THADA: variants seen among roughly 807,000 people sequenced by gnomAD.
THADA encodes the protein THADA armadillo repeat containing, also known as tRNA (32-2'-O)-methyltransferase regulator THADA.
THADA carries 213 observed loss-of-function variants against 219.8 expected under a neutral mutation model. The ratio of observed to expected loss-of-function variants is 0.97; its 90% CI spans 0.87 to 1.09. THADA has a LOEUF of 1.09. THADA is among the 50% of genes least tolerant of loss of function. The probability of loss-of-function intolerance (pLI) is 0.00; values close to 1 mark genes in which losing one functional copy is unlikely to be tolerated. For synonymous variants in THADA, 1,018 were observed against 828.9 expected, an observed-to-expected ratio of 1.23 and a Z score of -3.92; for missense variants, 2,956 against 2,311.3, an observed-to-expected ratio of 1.28 and a Z score of -5.72.
At chr2:43,377,979 C>T (rs1671570177) in intron 29 of THADA, among the ~76,000 whole-genome samples, 1 of 152,072 alleles carries the variant, frequency 6.6e-6, no homozygotes, top group Non-Finnish European at 1.5e-5. Context: ...GTAGAATGTC[C>T]CTCAATTTGG....
At chr2:43,302,230 A>G (rs780355996) in intron 31 of THADA, among the ~76,000 whole-genome samples, 2 of 152,056 alleles carry the variant, frequency 1.3e-5, no homozygotes, top group Non-Finnish European at 2.9e-5. Flanking sequence ...TCTTTGTTGG[A>G]AAGCCCAAAT....
chr2:43,465,897 C>T (rs1684170295), intron 26 of THADA, among the ~76,000 whole-genome samples: 1 of 152,170 alleles, frequency 6.6e-6, no homozygotes, highest in African/African-American at 2.4e-5. Flanking sequence ...CAGTCTGTTC[C>T]TCCTCCTAAA....
At chr2:43,282,787 A>C (rs754042972) in intron 35 of THADA, among the ~76,000 whole-genome samples, 3 of 152,200 alleles carry the variant, frequency 2.0e-5, no homozygotes, top group Non-Finnish European at 4.4e-5. Context: ...GGATATTCTC[A>C]AGCTTGGTTT....
intron 23 of THADA, among the ~76,000 whole-genome samples, chr2:43,507,646 G>A (rs1056164862): frequency 6.6e-6 from 1 of 152,044 alleles, no homozygotes; most frequent in East Asian, 1.9e-4. Flanking sequence ...GAGTAAGAAA[G>A]ATAAGGAAAA....
chr2:43,419,323 T>G (rs1337049060), intron 28 of THADA, among the ~76,000 whole-genome samples: 1 of 152,196 alleles, frequency 6.6e-6, no homozygotes, highest in Non-Finnish European at 1.5e-5. Context: ...AGAGTCACAA[T>G]GTTCAAAGTG....
At chr2:43,272,623 CTT>C (rs397871468) in intron 36 of THADA, among the ~76,000 whole-genome samples, 20 of 120,226 alleles carry the variant, frequency 1.7e-4, no homozygotes, top group South Asian at 2.8e-4. Context: ...TGGTTTTGTG[CTT>C]TTTTTTTTTT....
At chr2:43,524,802 G>C (rs534818066) in intron 22 of THADA, among the ~76,000 whole-genome samples, 10 of 152,302 alleles carry the variant, frequency 6.6e-5, no homozygotes, top group African/African-American at 2.2e-4. Flanking sequence ...CTTTAAACTA[G>C]ATTAGGAGGG....
At chr2:43,354,431 C>A (rs962886041) in intron 29 of THADA, among the ~76,000 whole-genome samples, 2 of 151,478 alleles carry the variant, frequency 1.3e-5, no homozygotes, top group Non-Finnish European at 1.5e-5. Context: ...TGTAGTTACC[C>A]TATTGTGCTA....
At chr2:43,582,276 C>G (rs1409648701) in intron 7 of THADA, among the ~76,000 whole-genome samples, 2 of 152,086 alleles carry the variant, frequency 1.3e-5, no homozygotes, top group Non-Finnish European at 2.9e-5. Context: ...ACAGGTAGAT[C>G]ATTTGAGGTC....
intron 22 of THADA, among the ~76,000 whole-genome samples, chr2:43,519,541 T>C (rs969707288): frequency 8.5e-5 from 13 of 152,230 alleles, no homozygotes; most frequent in African/African-American, 2.9e-4. Flanking sequence ...ATACAATCCT[T>C]AGTCCCTTAT....
chr2:43,445,445 G>A (rs1297365802), intron 26 of THADA, among the ~76,000 whole-genome samples: 1 of 152,160 alleles, frequency 6.6e-6, no homozygotes, highest in Non-Finnish European at 1.5e-5. Flanking sequence ...AACAATGAGT[G>A]ATCAGAAAAG....
At chr2:43,542,729 G>A (rs377129235) in intron 20 of THADA, among the ~76,000 whole-genome samples, 22 of 152,254 alleles carry the variant, frequency 1.4e-4, no homozygotes, top group African/African-American at 5.1e-4. Flanking sequence ...CCCAAACCCA[G>A]GTTCATTATA....
intron 29 of THADA, among the ~76,000 whole-genome samples, chr2:43,391,415 G>A (rs1211633419): frequency 6.6e-6 from 1 of 152,160 alleles, no homozygotes; most frequent in African/African-American, 2.4e-5. Flanking sequence ...GCTAAAAGCT[G>A]TCTCCAACAC....
chr2:43,571,704 T>C lies in THADA; in HGVS notation c.2064+3A>G. On this transcript the variant is annotated splice_donor_region_variant and intron_variant, in intron 13 of 37. Coordinates refer to ENST00000405975, the MANE Select transcript of THADA (RefSeq NM_022065.5). ...CCCTATGCCTTCTGATGGGAAATTC[T>C]ACCTTTTTAAGAAGAGAACAGATCT... is the stretch of plus-strand genomic sequence containing the variant. 1.2e-6 allele frequency: 2 copies of C among 1,605,328 alleles called. No homozygotes were observed. The highest frequency in any genetic ancestry group is 1.7e-5 in the Admixed American group (1 of 58,012).
chr2:43,308,659 G>A (rs1020379421), intron 31 of THADA, among the ~76,000 whole-genome samples: 2 of 149,314 alleles, frequency 1.3e-5, no homozygotes, highest in Admixed American at 1.4e-4. Flanking sequence ...CCATGATCTC[G>A]CCATTGCACT....
intron 36 of THADA, among the ~76,000 whole-genome samples, chr2:43,272,040 G>A (rs1457465363): frequency 6.6e-6 from 1 of 152,234 alleles, no homozygotes; most frequent in African/African-American, 2.4e-5. Flanking sequence ...GAGAGGTCAA[G>A]GCAGGCCCCC....
Position 43,364,958 on chromosome 2 carries a change from T to C in THADA, c.4228-20721A>G, listed in dbSNP as rs750160539. ...AGTAGGGAATTAAGTTAATCTCATC[T>C]TTTTTTTTTTTTTTTTGAGACGGAG... On this transcript the variant is annotated intron_variant, in intron 29 of 37. Coordinates refer to ENST00000405975, the MANE Select transcript of THADA (RefSeq NM_022065.5). Among the ~76,000 whole-genome samples, 495 of 140,356 alleles carry C rather than the reference T, an allele frequency of 3.5e-3. 4 individuals are homozygous for C. Among genetic ancestry groups the C allele is most frequent in the African/African-American group, 0.013 (480 of 37,578 alleles). 92.1% of individuals were successfully genotyped at this position (140,356 alleles called of 152,430 possible).
intron 36 of THADA, among the ~76,000 whole-genome samples, chr2:43,267,779 A>G (rs1671688490): frequency 6.6e-6 from 1 of 152,228 alleles, no homozygotes; most frequent in Non-Finnish European, 1.5e-5. Flanking sequence ...CCATCACACT[A>G]GTCTACTGAG....
chr2:43,374,722 A>G (rs1024072978), intron 29 of THADA, among the ~76,000 whole-genome samples: 1 of 152,178 alleles, frequency 6.6e-6, no homozygotes, highest in Non-Finnish European at 1.5e-5. Flanking sequence ...TATGTTATAT[A>G]TAGTTAATAA....
Sources: gnomAD v4.1 joint callset for allele counts (sites outside exome capture counted in the v4.1 genomes callset) on GRCh38, gnomAD v4.1.1 for gene constraint, MANE v1.5 for transcripts, NCBI Gene and HGNC (gene_info 2026-07-23, HGNC 2026-07-21) for gene names.